Variants in MAST2 observed in about 807,000 individuals in gnomAD.
The protein encoded by MAST2 is microtubule-associated serine/threonine-protein kinase 2.
MAST2 carries 70 observed loss-of-function variants against 147.4 expected under a neutral mutation model. The ratio of observed to expected loss-of-function variants is 0.47; its 90% confidence interval spans 0.39 to 0.58. MAST2 has a LOEUF of 0.58. Among genes scored for constraint, MAST2 ranks in the 20% least tolerant of loss-of-function variants. The pLI, the probability that MAST2 is intolerant of heterozygous loss-of-function variation, is 0.00. For synonymous variants in MAST2, 869 were observed against 896.8 expected, an observed-to-expected ratio of 0.97 and a Z score of 0.55; for missense variants, 2,080 against 2,302.3, an observed-to-expected ratio of 0.90 and a Z score of 1.98.
intron 5 of MAST2, among the ~76,000 whole-genome samples, chr1:45,970,392 C>T (rs758501912): frequency 2.0e-5 from 3 of 152,160 alleles, no homozygotes; most frequent in Non-Finnish European, 2.9e-5. Context: ...CTGCCGGGCA[C>T]GGTGGCTCAC....
intron 2 of MAST2, among the ~76,000 whole-genome samples, chr1:45,828,871 C>T (rs1479857845): frequency 6.6e-6 from 1 of 151,912 alleles, no homozygotes; most frequent in Non-Finnish European, 1.5e-5. Context: ...TTGCAATGAG[C>T]TGAGATCACA....
intron 1 of MAST2, among the ~76,000 whole-genome samples, chr1:45,821,513 T>C (rs1644627809): frequency 7.7e-6 from 1 of 130,114 alleles, no homozygotes; most frequent in South Asian, 2.4e-4. Flanking sequence ...ATGTTATTTC[T>C]TCTTTTTTTT....
At chr1:45,913,635 G>T (rs1230968242) in intron 4 of MAST2, 5 of 1,003,946 alleles carry the variant, frequency 5.0e-6, no homozygotes, top group African/African-American at 1.7e-5. Flanking sequence ...CTGCCTCGTG[G>T]GCTCTTAGGT....
chr1:46,034,484 A>G (rs1646816488), intron 28 of MAST2, 54 bp from the exon 29 acceptor site: 4 of 1,552,636 alleles, frequency 2.6e-6, no homozygotes, highest in Non-Finnish European at 3.5e-6. Context: ...AGTCACTTCT[A>G]ACAGCTAACA....
chr1:45,843,808 A>G (rs760006827), intron 3 of MAST2, among the ~76,000 whole-genome samples: 1 of 152,136 alleles, frequency 6.6e-6, no homozygotes, highest in African/African-American at 2.4e-5. Flanking sequence ...TGAAGGGTAT[A>G]TGAGTAATGT....
chr1:46,023,393 G>A lies in MAST2; in HGVS notation c.1571+75G>A. 7.3e-7 allele frequency: 1 copy of A among 1,377,348 alleles called. No homozygotes were observed. Among genetic ancestry groups the A allele is most frequent in the South Asian group, 1.2e-5 (1 of 86,288 alleles). The allele number at this position is 1,377,348 out of a possible 1,614,324, so 85.3% of individuals were successfully genotyped here. A position where few individuals can be genotyped will look rare whatever the true frequency, so the allele number is the denominator to read the frequency against. ...TGATCTCTTCCATGTGAGAGTGTAT[G>A]CTGCCCAGTCCTCTGGGCAGATGCC... is the stretch of plus-strand genomic sequence containing the variant. On this transcript the variant is annotated intron_variant, in intron 14 of 28. Coordinates refer to ENST00000361297, the MANE Select transcript of MAST2 (RefSeq NM_015112.3). This position sits in a 1 kb window ranked among gnomAD's most constrained non-coding sequence, Gnocchi z 4.9.
intron 4 of MAST2, among the ~76,000 whole-genome samples, chr1:45,937,678 G>A (rs553812595): frequency 7.2e-6 from 1 of 138,134 alleles, no homozygotes; most frequent in South Asian, 2.3e-4. Flanking sequence ...CTTGAACCCG[G>A]GAGGTGGAGG....
At chr1:45,926,463 G>A (rs1277199952) in intron 4 of MAST2, among the ~76,000 whole-genome samples, 1 of 152,074 alleles carries the variant, frequency 6.6e-6, no homozygotes, top group Non-Finnish European at 1.5e-5. Flanking sequence ...CTCCATTACT[G>A]GCTTAGGTGA....
At chr1:46,002,122 T>TTTTG (rs1346665392) in intron 6 of MAST2, among the ~76,000 whole-genome samples, 5 of 152,122 alleles carry the variant, frequency 3.3e-5, no homozygotes, top group Admixed American at 2.0e-4. Context: ...GGGGGGCATG[T>TTTTG]TTTGTTTGTT....
intron 4 of MAST2, among the ~76,000 whole-genome samples, chr1:45,910,553 A>G (rs909294828): frequency 6.6e-6 from 1 of 152,198 alleles, no homozygotes; most frequent in Admixed American, 6.5e-5. Flanking sequence ...TGAATTCCTT[A>G]ATTCTGCAAA....
chr1:45,815,792 A>G (rs1327202332), intron 1 of MAST2, among the ~76,000 whole-genome samples: 1 of 152,204 alleles, frequency 6.6e-6, no homozygotes, highest in East Asian at 1.9e-4. Context: ...AGGATGGGCC[A>G]ATCCTAGAAA....
intron 3 of MAST2, among the ~76,000 whole-genome samples, chr1:45,843,158 T>A (rs1353552477): frequency 6.6e-6 from 1 of 152,212 alleles, no homozygotes; most frequent in South Asian, 2.1e-4. Flanking sequence ...GTTTTAAGTT[T>A]GTTATATATT....
chr1:45,871,616 A>G (rs1646397741), intron 3 of MAST2, among the ~76,000 whole-genome samples: 1 of 152,204 alleles, frequency 6.6e-6, no homozygotes, highest in Non-Finnish European at 1.5e-5. Flanking sequence ...CAGAACACGC[A>G]TTCTATTTTT....
At chr1:45,937,096 G>T (rs1656317164) in intron 4 of MAST2, among the ~76,000 whole-genome samples, 1 of 123,560 alleles carries the variant, frequency 8.1e-6, no homozygotes, top group Admixed American at 8.3e-5. Context: ...AATATTATTT[G>T]TTTGTTTATT....
At chr1:45,807,495 G>A (rs1001797604) in intron 1 of MAST2, among the ~76,000 whole-genome samples, 11 of 151,346 alleles carry the variant, frequency 7.3e-5, no homozygotes, top group Non-Finnish European at 1.5e-4. Flanking sequence ...CCATTTTTGT[G>A]CTTAACATTT....
intron 6 of MAST2, among the ~76,000 whole-genome samples, chr1:46,001,754 G>A (rs1440738338): frequency 6.6e-6 from 1 of 152,130 alleles, no homozygotes; most frequent in Non-Finnish European, 1.5e-5. Context: ...TGCTTCGAAG[G>A]GAGAAGCCCC....
At position 45,880,361 on chromosome 1, in the gene MAST2, G is replaced by A. The variant is rs143691033; in HGVS notation, c.469-2003G>A. On this transcript the variant is annotated intron_variant, in intron 3 of 28. Transcript: ENST00000361297. ...TTTGAGGAAGTAAAAGTAATCTGTG[G>A]TGACATAATGAGAATAATATTTGCT... Among the ~76,000 whole-genome samples the A allele has an allele frequency of 4.3e-3, 649 of 152,298 alleles. 5 individuals are homozygous for A. The highest frequency in any genetic ancestry group is 0.015 in the African/African-American group (606 of 41,572).
At chr1:45,914,052 T>C (rs1652084163) in intron 4 of MAST2, among the ~76,000 whole-genome samples, 1 of 152,204 alleles carries the variant, frequency 6.6e-6, no homozygotes, top group Non-Finnish European at 1.5e-5. Context: ...GGCAGGGGCA[T>C]ATGAGGTTTC....
intron 1 of MAST2, among the ~76,000 whole-genome samples, chr1:45,820,333 A>C (rs1031171492): frequency 6.6e-6 from 1 of 152,224 alleles, no homozygotes; most frequent in African/African-American, 2.4e-5. Flanking sequence ...ATGCAGAGGC[A>C]ACCAAAGCAA....
Sources: allele counts gnomAD v4.1 joint callset (sites outside exome capture counted in the v4.1 genomes callset), GRCh38; gene constraint gnomAD v4.1.1; non-coding constraint Gnocchi (gnomAD v3.1); transcripts MANE v1.5; gene names NCBI Gene and HGNC (gene_info 2026-07-23, HGNC 2026-07-21).